Variants in DNAH5 observed in about 807,000 individuals in gnomAD.
The protein encoded by DNAH5 is dynein axonemal heavy chain 5, also known as axonemal beta dynein heavy chain 5.
In DNAH5, 372 loss-of-function variants were observed where a neutral mutation model predicts 518.2. The ratio of observed to expected loss-of-function variants is 0.72; its 90% CI spans 0.66 to 0.78. The LOEUF (loss-of-function observed/expected upper bound fraction) is 0.78, where lower values mean the gene tolerates loss of function less well. Ranked by LOEUF, DNAH5 falls within the 30% of genes least tolerant of loss-of-function variation. DNAH5 has a pLI of 0.00. For missense variants in DNAH5, 5,523 were observed against 5,687.0 expected (o/e 0.97, Z 0.93); for synonymous variants, 2,039 against 2,025.9 (o/e 1.01, Z -0.17).
At chr5:13,908,890 A>C (rs1022104503) in intron 12 of DNAH5, among the ~76,000 whole-genome samples, 2 of 151,918 alleles carry the variant, frequency 1.3e-5, no homozygotes, top group African/African-American at 4.8e-5. Context: ...CACCGCCCTT[A>C]CTCCATTCAG....
intron 53 of DNAH5, among the ~76,000 whole-genome samples, chr5:13,778,563 A>AAAGG (rs1754506955): frequency 2.9e-5 from 2 of 68,366 alleles, no homozygotes; most frequent in Non-Finnish European, 6.3e-5. Context: ...AGAAAGAAAG[A>AAAGG]AAGAAAGAAA....
At position 13,762,852 on chromosome 5, in the gene DNAH5, G is replaced by A; in HGVS notation, c.10151C>T (p.Pro3384Leu). 2 of 1,613,968 alleles carry A rather than the reference G, an allele frequency of 1.2e-6. No homozygotes were observed. Among genetic ancestry groups the A allele is most frequent in the Non-Finnish European group, 1.7e-6 (2 of 1,179,890 alleles). ...GTTATAGTCAGGCATTTCAAAGTAA[G>A]GACTCAAAAATTCTATCACCTCTTC... ...INEEVIEFLS[P>L]YFEMPDYNIE... Residue 3384 changes from proline to leucine, a missense_variant, in exon 60 of 79, where the codon CCT becomes CTT. Physicochemically the swap from Pro to Leu is moderately conservative, Grantham distance 98. This residue lies in a region of DNAH5 where 5,121 missense variants were observed against 5,223.3 expected (regional missense o/e 0.98). Coordinates refer to ENST00000265104, the MANE Select transcript of DNAH5 (RefSeq NM_001369.3).
At chr5:13,876,874 A>C in intron 21 of DNAH5, 57 bp from the exon 22 acceptor site, 2 of 1,542,006 alleles carry the variant, frequency 1.3e-6, no homozygotes, top group South Asian at 2.3e-5. Flanking sequence ...ATGTACTTTC[A>C]GGAGATGAGG....
intron 35 of DNAH5, among the ~76,000 whole-genome samples, chr5:13,838,053 T>C (rs570086968): frequency 2.0e-3 from 308 of 152,304 alleles, no homozygotes; most frequent in Non-Finnish European, 3.8e-3. Context: ...CATTGTATAT[T>C]ATTGTGGGGC....
At chr5:13,990,923 T>C (rs1409338366) in intron 1 of DNAH5, among the ~76,000 whole-genome samples, 3 of 152,146 alleles carry the variant, frequency 2.0e-5, no homozygotes, top group Non-Finnish European at 4.4e-5. Context: ...TTGAAATATT[T>C]AACCCTAAAT....
chr5:13,895,758 C>T (rs1773843654), intron 15 of DNAH5, among the ~76,000 whole-genome samples: 1 of 151,990 alleles, frequency 6.6e-6, no homozygotes, highest in South Asian at 2.1e-4. Context: ...CAGCAGCCTC[C>T]CAAAGTTTCC....
At chr5:13,849,951 C>G (rs542182933) in intron 31 of DNAH5, among the ~76,000 whole-genome samples, 1 of 152,142 alleles carries the variant, frequency 6.6e-6, no homozygotes, top group Non-Finnish European at 1.5e-5. Flanking sequence ...GTGCACAGGA[C>G]AAGCTGGTTA....
At chr5:13,882,118 T>C (rs1252223273) in intron 21 of DNAH5, among the ~76,000 whole-genome samples, 2 of 151,838 alleles carry the variant, frequency 1.3e-5, no homozygotes, top group Non-Finnish European at 2.9e-5. Flanking sequence ...CAAGAAGAAA[T>C]TGAAAATCTG....
At chr5:13,885,531 G>A (rs1485457159) in intron 18 of DNAH5, among the ~76,000 whole-genome samples, 4 of 152,126 alleles carry the variant, frequency 2.6e-5, no homozygotes, top group African/African-American at 7.2e-5. Context: ...GGGTTCTGGT[G>A]CTACCTCCCA....
chr5:13,753,224 A>C lies in DNAH5; in HGVS notation c.10872+9T>G, dbSNP rs1580066952. The C allele has an allele frequency of 1.2e-6, 2 of 1,609,112 alleles. No individual in the cohort carries two copies. The highest frequency in any genetic ancestry group is 1.7e-6 in the Non-Finnish European group (2 of 1,175,672). On this transcript the variant is annotated intron_variant, in intron 63 of 78. Coordinates refer to ENST00000265104, the MANE Select transcript of DNAH5 (RefSeq NM_001369.3). ...ACCGGTAGCATAAACATACTAAAAC[A>C]CAAATTACCTGGAGTTCATTTCGGC...
At chr5:13,769,247 GTTT>G (rs36092508) in intron 57 of DNAH5, 111 bp from the exon 58 acceptor site, 2,730 of 743,426 alleles carry the variant, frequency 3.7e-3, no homozygotes, top group Non-Finnish European at 4.2e-3. Flanking sequence ...CAGTTTTGTT[GTTT>G]TTTTTTTTTT....
intron 47 of DNAH5, among the ~76,000 whole-genome samples, chr5:13,802,537 T>C (rs985549604): frequency 7.2e-5 from 11 of 152,248 alleles, no homozygotes; most frequent in Admixed American, 6.5e-5. Context: ...GACTCCACAG[T>C]ACAGCATTGA....
At chr5:13,938,886 G>C (rs1386948256) in intron 1 of DNAH5, among the ~76,000 whole-genome samples, 1 of 152,154 alleles carries the variant, frequency 6.6e-6, no homozygotes, top group Non-Finnish European at 1.5e-5. Flanking sequence ...CCCAACTGTG[G>C]ATGAATCAGG....
At chr5:13,911,079 A>G (rs917034318) in intron 12 of DNAH5, among the ~76,000 whole-genome samples, 1 of 152,220 alleles carries the variant, frequency 6.6e-6, no homozygotes, top group Non-Finnish European at 1.5e-5. Flanking sequence ...CGGAAATAAG[A>G]GTCTACATTC....
chr5:13,696,050 C>CACATA (rs1741338813), intron 78 of DNAH5, among the ~76,000 whole-genome samples: 1 of 152,104 alleles, frequency 6.6e-6, no homozygotes, highest in Non-Finnish European at 1.5e-5. Context: ...ATACGGCTAT[C>CACATA]CCCACCCCAG....
chr5:13,721,122 A>G lies in DNAH5; in HGVS notation c.12157T>C (p.Ser4053Pro), dbSNP rs140496584. The stretch of plus-strand genomic sequence containing the variant: ...GCAATGATGGAATCTGTGGGGTCTG[A>G]GCCCATAGACAGGAGACAGATGAGT... ...TPLICLLSMG[S>P]DPTDSIIALG... Residue 4053 changes from serine to proline, a missense_variant, in exon 71 of 79, where the codon TCA (serine) becomes CCA (proline). Around this residue, in one of 3 missense-constraint regions of DNAH5, gnomAD observed 5,121 missense variants for 5,223.3 expected, o/e 0.98. Coordinates refer to ENST00000265104, the MANE Select transcript of DNAH5 (RefSeq NM_001369.3). 8.1e-6 allele frequency: 13 copies of G among 1,614,128 alleles called. No individual in the cohort carries two copies. Among genetic ancestry groups the G allele is most frequent in the Non-Finnish European group, 1.1e-5 (13 of 1,179,988 alleles).
intron 46 of DNAH5, among the ~76,000 whole-genome samples, chr5:13,808,225 CAAAAAAAAAA>C (rs56686032): frequency 0.34 from 29,668 of 86,620 alleles, 3,456 homozygotes; most frequent in East Asian, 0.63. Flanking sequence ...GACTCCATCT[CAAAAAAAAAA>C]AAAAAAAAAA....
chr5:13,732,454 C>T (rs1746732744), intron 68 of DNAH5, among the ~76,000 whole-genome samples: 1 of 152,154 alleles, frequency 6.6e-6, no homozygotes, highest in African/African-American at 2.4e-5. Context: ...GCAACCTCCG[C>T]CTCCCAGGTT....
intron 60 of DNAH5, among the ~76,000 whole-genome samples, chr5:13,761,158 T>C (rs1751716679): frequency 6.6e-6 from 1 of 152,244 alleles, no homozygotes; most frequent in Non-Finnish European, 1.5e-5. Context: ...GTGGATGGCA[T>C]TGAATACAGG....
Sources: gnomAD v4.1 joint callset for allele counts (sites outside exome capture counted in the v4.1 genomes callset) on GRCh38, gnomAD v4.1.1 for gene constraint, gnomAD v4.1.1 regional missense constraint, MANE v1.5 for transcripts, NCBI Gene and HGNC (gene_info 2026-07-23, HGNC 2026-07-21) for gene names.